GRM7: variants seen among roughly 807,000 people sequenced by gnomAD.
GRM7 encodes metabotropic glutamate receptor 7.
A neutral mutation model predicts 84.5 loss-of-function variants in GRM7; 35 were observed. That is an observed-to-expected ratio of 0.41 (90% CI 0.32 to 0.55). GRM7 has a LOEUF of 0.55. Among genes scored for constraint, GRM7 ranks in the 20% least tolerant of loss-of-function variants. The probability of loss-of-function intolerance (pLI) is 0.19; values close to 1 mark genes in which losing one functional copy is unlikely to be tolerated. For synonymous variants in GRM7, 487 were observed against 455.1 expected (o/e 1.07, Z -0.89); for missense variants, 1,003 against 1,194.6 (o/e 0.84, Z 2.36).
chr3:7,091,587 T>G (rs995085212), intron 1 of GRM7, among the ~76,000 whole-genome samples: 1 of 151,788 alleles, frequency 6.6e-6, no homozygotes, highest in African/African-American at 2.4e-5. Context: ...TCCCATTATC[T>G]CATTAAATCA....
chr3:7,012,132 T>A (rs373173869), intron 1 of GRM7, among the ~76,000 whole-genome samples: 9 of 152,272 alleles, frequency 5.9e-5, no homozygotes, highest in East Asian at 3.9e-4. Context: ...TAAAAGTCTG[T>A]TTCCCTAGAG....
intron 2 of GRM7, among the ~76,000 whole-genome samples, chr3:7,183,405 T>C (rs1433501705): frequency 6.6e-6 from 1 of 152,158 alleles, no homozygotes; most frequent in Non-Finnish European, 1.5e-5. Context: ...GGCGGGTGGA[T>C]TGCCTGAGAT....
chr3:7,231,824 C>A (rs1460512333), intron 2 of GRM7, among the ~76,000 whole-genome samples: 2 of 152,170 alleles, frequency 1.3e-5, no homozygotes, highest in African/African-American at 4.8e-5. Context: ...GTAAAGGTGT[C>A]CCCTTACTGC....
intron 8 of GRM7, among the ~76,000 whole-genome samples, chr3:7,646,770 T>C (rs558764945): frequency 1.3e-5 from 2 of 152,226 alleles, no homozygotes; most frequent in East Asian, 3.9e-4. Context: ...TGATAATGAA[T>C]GGCTCTGGAT....
At chr3:7,157,411 GA>G (rs1165303199) in intron 2 of GRM7, among the ~76,000 whole-genome samples, 1 of 151,864 alleles carries the variant, frequency 6.6e-6, no homozygotes, top group African/African-American at 2.4e-5. Flanking sequence ...TGGAAAAAAA[GA>G]AAAAAATTAA....
intron 8 of GRM7, among the ~76,000 whole-genome samples, chr3:7,586,540 G>A (rs1695524318): frequency 6.6e-6 from 1 of 152,192 alleles, no homozygotes; most frequent in Admixed American, 6.5e-5. Flanking sequence ...GGGCGCAGTG[G>A]CTCACGCCTG....
intron 7 of GRM7, among the ~76,000 whole-genome samples, chr3:7,554,100 T>G (rs1693634442): frequency 6.6e-6 from 1 of 152,178 alleles, no homozygotes; most frequent in Admixed American, 6.5e-5. Flanking sequence ...CTATGCAAAG[T>G]AGAACGTTGC....
chr3:7,386,171 T>C (rs1437953243), intron 4 of GRM7, among the ~76,000 whole-genome samples: 1 of 152,194 alleles, frequency 6.6e-6, no homozygotes, highest in African/African-American at 2.4e-5. Context: ...GAAATCTATT[T>C]TTTTGATCTA....
chr3:7,139,506 A>G (rs1249046577), intron 1 of GRM7, among the ~76,000 whole-genome samples: 1 of 152,088 alleles, frequency 6.6e-6, no homozygotes, highest in East Asian at 1.9e-4. Context: ...TGTAGAGGAG[A>G]CACCTTGGAT....
At chr3:6,930,639 A>C (rs1697468609) in intron 1 of GRM7, among the ~76,000 whole-genome samples, 1 of 152,136 alleles carries the variant, frequency 6.6e-6, no homozygotes, top group African/African-American at 2.4e-5. Context: ...GGGGAAAAAA[A>C]CAAACATTTT....
chr3:7,151,408 A>G lies in GRM7; in HGVS notation c.736+4740A>G, dbSNP rs561311925. Among the ~76,000 whole-genome samples the G allele has an allele frequency of 3.1e-4, 47 of 152,232 alleles. 2 individuals carry two copies. The East Asian group carries it at 9.1e-3, about 29-fold the overall frequency. On this transcript the variant is annotated intron_variant, in intron 2 of 9. Coordinates refer to ENST00000357716, the MANE Select transcript of GRM7 (RefSeq NM_000844.4). This position sits in a 1 kb window ranked among gnomAD's most constrained non-coding sequence, Gnocchi z 4.5. ...GGAGACAGAGCAAGACTCTGTCTCAAAACAAACAACAAACAAACAAACAAA... is the reference window on the plus strand; with the variant it reads ...GGAGACAGAGCAAGACTCTGTCTCAGAACAAACAACAAACAAACAAACAAA...
intron 4 of GRM7, among the ~76,000 whole-genome samples, chr3:7,378,988 T>C (rs892746775): frequency 1.3e-5 from 2 of 152,224 alleles, no homozygotes; most frequent in Non-Finnish European, 2.9e-5. Flanking sequence ...CAAATTTCCT[T>C]GAGTGGCTAG....
chr3:7,651,983 T>C (rs1264329400), intron 8 of GRM7, among the ~76,000 whole-genome samples: 1 of 152,204 alleles, frequency 6.6e-6, no homozygotes, highest in Non-Finnish European at 1.5e-5. Context: ...CTTATTCCTT[T>C]GGAATTGAAC....
At chr3:7,510,865 G>C (rs1700177897) in intron 7 of GRM7, among the ~76,000 whole-genome samples, 1 of 152,178 alleles carries the variant, frequency 6.6e-6, no homozygotes, top group African/African-American at 2.4e-5. Flanking sequence ...TTCTATGGCT[G>C]TGTTTGCGCG....
chr3:7,353,288 C>G (rs910027651), intron 4 of GRM7, among the ~76,000 whole-genome samples: 8 of 152,068 alleles, frequency 5.3e-5, no homozygotes, highest in Admixed American at 5.2e-4. Flanking sequence ...AGGTAGAAAT[C>G]CAGGAAACAT....
intron 4 of GRM7, among the ~76,000 whole-genome samples, chr3:7,348,921 C>T (rs929000427): frequency 2.6e-5 from 4 of 152,058 alleles, no homozygotes; most frequent in Non-Finnish European, 5.9e-5. Flanking sequence ...ATTCTTTAAG[C>T]ATTGATCAAG....
At chr3:7,170,188 C>G (rs763132836) in intron 2 of GRM7, among the ~76,000 whole-genome samples, 4 of 152,060 alleles carry the variant, frequency 2.6e-5, no homozygotes, top group Non-Finnish European at 5.9e-5. Context: ...GGGAGTAAAT[C>G]GATTGTTAGG....
At chr3:7,430,310 A>C (rs796523152) in intron 5 of GRM7, among the ~76,000 whole-genome samples, 4 of 152,328 alleles carry the variant, frequency 2.6e-5, no homozygotes, top group African/African-American at 9.6e-5. Flanking sequence ...TGGGATGTTC[A>C]GCTTCTAAGA....
chr3:6,990,942 G>T (rs1357814323), intron 1 of GRM7, among the ~76,000 whole-genome samples: 1 of 152,164 alleles, frequency 6.6e-6, no homozygotes, highest in Non-Finnish European at 1.5e-5. Flanking sequence ...GGTGGTAGGA[G>T]CCTATAGTCC....
Sources: gnomAD v4.1 joint callset for allele counts (sites outside exome capture counted in the v4.1 genomes callset) on GRCh38, gnomAD v4.1.1 for gene constraint, Gnocchi (gnomAD v3.1) non-coding constraint, MANE v1.5 for transcripts, NCBI Gene and HGNC (gene_info 2026-07-23, HGNC 2026-07-21) for gene names.